The following YY2 variants were observed in gnomAD, a reference collection of about 807,000 sequenced individuals.
YY2 encodes the protein transcription factor YY2.
For synonymous variants in YY2, 157 were observed against 131.2 expected (o/e 1.20, Z -1.35); for missense variants, 254 against 305.3 (o/e 0.83, Z 1.25).
chrX:21,857,617 C>A lies in YY2; in HGVS notation c.*14C>A, dbSNP rs1377100860. On this transcript the variant is annotated 3_prime_UTR_variant, in exon 1 of 1. Transcript: ENST00000429584. ...AACAACCCGTGAAAAGGAGAAGACCCCTCTCAGACTTGGGAATTATCTTCC... is the reference window on the plus strand; with the variant it reads ...AACAACCCGTGAAAAGGAGAAGACCACTCTCAGACTTGGGAATTATCTTCC... 8.4e-7 allele frequency: 1 copy of A among 1,184,825 alleles called. No individual in the cohort carries two copies. The highest frequency in any genetic ancestry group is 1.1e-6 in the Non-Finnish European group (1 of 881,554).
Position 21,856,602 on chromosome X carries a change from G to T in YY2, c.118G>T (p.Val40Phe). 8.3e-7 allele frequency: 1 copy of T among 1,211,915 alleles called. No individual in the cohort carries two copies. Among genetic ancestry groups the T allele is most frequent in the Non-Finnish European group, 1.1e-6 (1 of 895,584 alleles). Reference sequence around the variant, plus strand: ...TATGGAGGACATTCCGACGGAAAGCGTCCAGTACGAGGATGTGGATGGCAA... The same window carrying T: ...TATGGAGGACATTCCGACGGAAAGCTTCCAGTACGAGGATGTGGATGGCAA... ...LPMEDIPTES[V>F]QYEDVDGNWI... Residue 40 changes from valine to phenylalanine, a missense_variant, in exon 1 of 1, where the codon GTC (valine) becomes TTC (phenylalanine). Coordinates refer to ENST00000429584, the MANE Select transcript of YY2 (RefSeq NM_206923.4).
In YY2 at chrX:21,858,540, C is replaced by T. The variant is rs1393162221; in HGVS notation, c.*937C>T. The T allele has an allele frequency of 1.6e-5, 2 of 122,721 alleles. No individual in the cohort carries two copies. The highest frequency in any genetic ancestry group is 6.5e-5 in the African/African-American group (2 of 30,577). 10.1% of individuals were successfully genotyped at this position (122,721 alleles called of 1,213,427 possible). A position where few individuals can be genotyped will look rare whatever the true frequency, so the allele number is the denominator to read the frequency against. ...GTGAGTGGAGGGAGATCAGGAATGC[C>T]ACTAAACATCCTACAATGCACAGAC... On this transcript the variant is annotated 3_prime_UTR_variant, in exon 1 of 1. Transcript: ENST00000429584.
chrX:21,856,856 G>A lies in YY2; in HGVS notation c.372G>A (p.Ser124=). 9 of 1,211,052 alleles carry A rather than the reference G, an allele frequency of 7.4e-6. No homozygotes were observed. The highest frequency in any genetic ancestry group is 1.7e-5 in the African/African-American group (1 of 57,568). Residue 124 remains serine (S), a synonymous_variant, in exon 1 of 1, where the codon TCG becomes TCA. Transcript: ENST00000429584. ...EHFQMTLASL[S]ASAASTSTST... is the part of the protein sequence containing the mutation. ...TCCAGATGACCCTGGCCTCTCTGTC[G>A]GCCTCGGCGGCATCAACATCAACAT...
Position 21,856,919 on chromosome X carries a change from C to T in YY2, c.435C>T (p.Pro145=), listed in dbSNP as rs755494527. The T allele has an allele frequency of 8.3e-7, 1 of 1,211,942 alleles. No homozygotes were observed. Among genetic ancestry groups the T allele is most frequent in the Non-Finnish European group, 1.1e-6 (1 of 895,598 alleles). Residue 145 remains proline, a synonymous_variant, in exon 1 of 1, where the codon CCC becomes CCT. Coordinates refer to ENST00000429584, the MANE Select transcript of YY2 (RefSeq NM_206923.4). The part of the protein sequence containing the change: ...QSRSKKPSKK[P]SGKSATSTEA... ...GCAGCAAAAAGCCCAGCAAAAAGCC[C>T]AGCGGCAAGAGTGCCACCAGCACTG...
At position 21,857,615 on chromosome X, in the gene YY2, C is replaced by T. The variant is rs1400845031; in HGVS notation, c.*12C>T. The T allele has an allele frequency of 3.6e-5, 43 of 1,188,287 alleles. No individual in the cohort carries two copies. The highest frequency in any genetic ancestry group is 4.3e-5 in the Non-Finnish European group (38 of 883,564). On this transcript the variant is annotated 3_prime_UTR_variant, in exon 1 of 1. Transcript: ENST00000429584. ...AAAACAACCCGTGAAAAGGAGAAGA[C>T]CCCTCTCAGACTTGGGAATTATCTT...
At position 21,857,052 on chromosome X, in the gene YY2, C is replaced by T. The variant is rs149623712; in HGVS notation, c.568C>T (p.Pro190Ser). 110 of 1,209,895 alleles carry T rather than the reference C, an allele frequency of 9.1e-5. 1 individual carries two copies. The African/African-American group carries it at 1.5e-3, about 17-fold the overall frequency. ...TGAGTTTTCCGTGACTATGTGGTCCCCTAACGATAACAATGACCAAGGGGC... is the reference window on the plus strand; with the variant it reads ...TGAGTTTTCCGTGACTATGTGGTCCTCTAACGATAACAATGACCAAGGGGC... Reference protein sequence around the residue: ...EGEFSVTMWSPNDNNDQGAVG... With the variant: ...EGEFSVTMWSSNDNNDQGAVG... The change falls in exon 1 of 1, where the codon CCT becomes TCT. Residue 190 changes from proline to serine, a missense_variant. By Grantham distance (74) the Pro-to-Ser change is moderately conservative (BLOSUM62 -1). Coordinates refer to ENST00000429584, the MANE Select transcript of YY2 (RefSeq NM_206923.4).
In YY2 at chrX:21,856,301, CG is replaced by C. The variant is rs1569323529; in HGVS notation, c.-183del. 5.3e-6 allele frequency: 2 copies of C among 373,924 alleles called. No individual in the cohort carries two copies. Among genetic ancestry groups the C allele is most frequent in the Non-Finnish European group, 4.6e-6 (1 of 219,458 alleles). The allele number at this position is 373,924 out of a possible 1,213,427, so 30.8% of individuals were successfully genotyped here. A position where few individuals can be genotyped will look rare whatever the true frequency, so the allele number is the denominator to read the frequency against. On this transcript the variant is annotated 5_prime_UTR_variant, in exon 1 of 1. The change creates a premature stop within an existing upstream ORF in the 5' untranslated region. Transcript: ENST00000429584. The stretch of plus-strand genomic sequence containing the variant: ...GTCTCGCGCCTTTCTCTGCAGCTCG[CG>C]CCTTTCTCTGCAGCTCGCGCCTTTC...
At position 21,857,759 on chromosome X, in the gene YY2, T is replaced by C. The variant is rs2092925385; in HGVS notation, c.*156T>C. On this transcript the variant is annotated 3_prime_UTR_variant, in exon 1 of 1. Transcript: ENST00000429584. ...TCGTGTTTTGTTAGAGTAGTAAAAA[T>C]AGAATTTAAACGTTTTTAAAAAGGT... 1 of 618,259 alleles carries C rather than the reference T, an allele frequency of 1.6e-6. No homozygotes were observed. The highest frequency in any genetic ancestry group is 2.4e-6 in the Non-Finnish European group (1 of 415,966). 51.0% of individuals were successfully genotyped at this position (618,259 alleles called of 1,213,427 possible). A position where few individuals can be genotyped will look rare whatever the true frequency, so the allele number is the denominator to read the frequency against.
rs780275038 is a variant in YY2 at position 21,857,018 on chromosome X, G to A, written c.534G>A (p.Thr178=). The A allele has an allele frequency of 4.1e-6, 5 of 1,210,291 alleles. No individual in the cohort carries two copies. Among genetic ancestry groups the A allele is most frequent in the African/African-American group, 3.5e-5 (2 of 57,257 alleles). Residue 178 remains threonine, a synonymous_variant, in exon 1 of 1, where the codon ACG becomes ACA. Transcript: ENST00000429584. The part of the protein sequence containing the change: ...KWEQKQMQVK[T]LEGEFSVTMW... Reference sequence around the variant, plus strand: ...AGCAGAAGCAAATGCAGGTCAAAACGCTGGAGGGTGAGTTTTCCGTGACTA... The same window carrying A: ...AGCAGAAGCAAATGCAGGTCAAAACACTGGAGGGTGAGTTTTCCGTGACTA...
At position 21,856,255 on chromosome X, in the gene YY2, T is replaced by C; in HGVS notation, c.-230T>C. The C allele has an allele frequency of 2.4e-6, 1 of 414,462 alleles. No homozygotes were observed. Among genetic ancestry groups the C allele is most frequent in the Non-Finnish European group, 4.1e-6 (1 of 243,038 alleles). 34.2% of individuals were successfully genotyped at this position (414,462 alleles called of 1,213,427 possible). ...TGGCTATCCCAGAAGCACCTGCGCCTTCCGGCTCGTGCTTTCCTCAGTCTC... is the reference window on the plus strand; with the variant it reads ...TGGCTATCCCAGAAGCACCTGCGCCCTCCGGCTCGTGCTTTCCTCAGTCTC... On this transcript the variant is annotated 5_prime_UTR_variant, in exon 1 of 1. Coordinates refer to ENST00000429584, the MANE Select transcript of YY2 (RefSeq NM_206923.4).
In YY2 at chrX:21,856,577, T is replaced by G. The variant is rs146460737; in HGVS notation, c.93T>G (p.Pro31=). 358 of 1,210,410 alleles carry G rather than the reference T, an allele frequency of 3.0e-4. No homozygotes were observed. The African/African-American group carries it at 5.5e-3, about 19-fold the overall frequency. The change falls in exon 1 of 1, where the codon CCT becomes CCG. Residue 31 remains proline, a synonymous_variant. Coordinates refer to ENST00000429584, the MANE Select transcript of YY2 (RefSeq NM_206923.4). The stretch of plus-strand genomic sequence containing the variant: ...ACGACATCAATGTGGAGCCCCTTCC[T>G]ATGGAGGACATTCCGACGGAAAGCG... ...ELHDINVEPL[P]MEDIPTESVQ... is the part of the protein sequence containing the mutation.
chrX:21,857,368 G>C lies in YY2; in HGVS notation c.884G>C (p.Ser295Thr), dbSNP rs141659550. 1.6e-6 allele frequency: 2 copies of C among 1,212,313 alleles called. No homozygotes were observed. Among genetic ancestry groups the C allele is most frequent in the African/African-American group, 3.5e-5 (2 of 57,961 alleles). Residue 295 changes from serine (S) to threonine (T), a missense_variant, in exon 1 of 1, where the codon AGC (serine) becomes ACC (threonine). By Grantham distance (58) the Ser-to-Thr change is moderately conservative (BLOSUM62 1). Coordinates refer to ENST00000429584, the MANE Select transcript of YY2 (RefSeq NM_206923.4). ...CAECGKAFLE[S>T]SKLRRHQLVH... ...GAATGTGGCAAAGCTTTTCTTGAGAGCTCAAAGCTGAGACGACACCAGCTG... is the reference window on the plus strand; with the variant it reads ...GAATGTGGCAAAGCTTTTCTTGAGACCTCAAAGCTGAGACGACACCAGCTG...
rs1347426005 is a variant in YY2, at chrX:21,857,246, C to A, written c.762C>A (p.Val254=). The change falls in exon 1 of 1, where the codon GTC becomes GTA. Residue 254 remains valine, a synonymous_variant. Coordinates refer to ENST00000429584, the MANE Select transcript of YY2 (RefSeq NM_206923.4). ...KRSKGEPPKT[V]PCSYSGCEKM... is the part of the protein sequence containing the mutation. ...CCAAAGGAGAACCTCCCAAAACAGT[C>A]CCTTGCTCTTATAGCGGCTGCGAAA... 8.3e-7 allele frequency: 1 copy of A among 1,211,849 alleles called. No individual in the cohort carries two copies. The highest frequency in any genetic ancestry group is 1.7e-5 in the African/African-American group (1 of 57,863).
Position 21,856,158 on chromosome X carries a change from G to A in YY2, c.-327G>A, listed in dbSNP as rs1569323402. On this transcript the variant is annotated 5_prime_UTR_variant, in exon 1 of 1. Transcript: ENST00000429584. ...CAACAGCTGGGCGGGGTCGCAGGGT[G>A]GCAAACGTACGCGGGCACGTGCACG... 1 of 258,741 alleles carries A rather than the reference G, an allele frequency of 3.9e-6. No individual in the cohort carries two copies. The highest frequency in any genetic ancestry group is 6.9e-6 in the Non-Finnish European group (1 of 145,387). The allele number at this position is 258,741 out of a possible 1,213,427, so 21.3% of individuals were successfully genotyped here.
chrX:21,856,371 A>G lies in YY2; in HGVS notation c.-114A>G, dbSNP rs2092922244. On this transcript the variant is annotated 5_prime_UTR_variant, in exon 1 of 1. Coordinates refer to ENST00000429584, the MANE Select transcript of YY2 (RefSeq NM_206923.4). ...CTCTGCAGCTCGCGCCTTTCTCTGC[A>G]GCTCGCCCCTTCCTCTGCAGCTCGC... The G allele has an allele frequency of 1.2e-6, 1 of 851,297 alleles. No individual in the cohort carries two copies. The highest frequency in any genetic ancestry group is 3.1e-5 in the Admixed American group (1 of 32,735). The allele number at this position is 851,297 out of a possible 1,213,427, so 70.2% of individuals were successfully genotyped here.
Position 21,856,326 on chromosome X carries a change from T to C in YY2, c.-159T>C, listed in dbSNP as rs757855959. On this transcript the variant is annotated 5_prime_UTR_variant, in exon 1 of 1. Transcript: ENST00000429584. ...CGCCTTTCTCTGCAGCTCGCGCCTT[T>C]CTCTGCAGCTCGCGCCTTTCTCTGC... 6.2e-6 allele frequency: 3 copies of C among 480,311 alleles called. No homozygotes were observed. The African/African-American group carries it at 7.4e-5, about 12-fold the overall frequency. 39.6% of individuals were successfully genotyped at this position (480,311 alleles called of 1,213,427 possible).
Position 21,857,286 on chromosome X carries a change from T to C in YY2, c.802T>C (p.Tyr268His). 2 of 1,211,638 alleles carry C rather than the reference T, an allele frequency of 1.7e-6. No homozygotes were observed. Among genetic ancestry groups the C allele is most frequent in the Non-Finnish European group, 2.2e-6 (2 of 895,451 alleles). Residue 268 changes from tyrosine to histidine, a missense_variant, in exon 1 of 1, where the codon TAC becomes CAC. Coordinates refer to ENST00000429584, the MANE Select transcript of YY2 (RefSeq NM_206923.4). ...YSGCEKMFRD[Y>H]AAMRKHLHIH... is the part of the protein sequence containing the mutation. The stretch of plus-strand genomic sequence containing the variant: ...CGGCTGCGAAAAGATGTTCCGGGAT[T>C]ACGCCGCCATGAGAAAACATCTCCA...
rs768528347 is a variant in YY2, at chrX:21,857,149, G to C, written c.665G>C (p.Gly222Ala). 8.3e-7 allele frequency: 1 copy of C among 1,210,160 alleles called. No individual in the cohort carries two copies. Among genetic ancestry groups the C allele is most frequent in the Non-Finnish European group, 1.1e-6 (1 of 895,305 alleles). The change falls in exon 1 of 1, where the codon GGG becomes GCG. Residue 222 changes from glycine to alanine, a missense_variant. By Grantham distance (60) the Gly-to-Ala change is moderately conservative (BLOSUM62 0). Coordinates refer to ENST00000429584, the MANE Select transcript of YY2 (RefSeq NM_206923.4). ...TTGAAAGGGAAGAAACTTCCTCCTG[G>C]GGGGTTACCAGGCATTGATCTCTCA... The part of the protein sequence containing the change: ...EYLKGKKLPP[G>A]GLPGIDLSDP...
rs764538966 is a variant in YY2 at position 21,857,214 on chromosome X, A to G, written c.730A>G (p.Lys244Glu). 4.2e-5 allele frequency: 51 copies of G among 1,210,398 alleles called. No individual in the cohort carries two copies. Among genetic ancestry groups the G allele is most frequent in the East Asian group, 5.9e-5 (2 of 33,781 alleles). ...GGCAGAATTTACTAAAGTGAAGCCC[A>G]AAAGGTCCAAAGGAGAACCTCCCAA... is the stretch of plus-strand genomic sequence containing the variant. The part of the protein sequence containing the change: ...QLAEFTKVKP[K>E]RSKGEPPKTV... Residue 244 changes from lysine to glutamate, a missense_variant, in exon 1 of 1, where the codon AAA becomes GAA. Transcript: ENST00000429584.
Sources: gnomAD v4.1 joint callset for allele counts on GRCh38, gnomAD v4.1.1 for gene constraint, MANE v1.5 for transcripts, NCBI Gene and HGNC (gene_info 2026-07-23, HGNC 2026-07-21) for gene names.